Variants in DGKB observed in about 807,000 individuals in gnomAD.
DGKB encodes the protein diacylglycerol kinase beta.
A neutral mutation model predicts 114.3 loss-of-function variants in DGKB; 67 were observed. The ratio of observed to expected loss-of-function variants is 0.59; its 90% CI spans 0.48 to 0.72. The LOEUF (loss-of-function observed/expected upper bound fraction) is 0.72, where lower values mean the gene tolerates loss of function less well. Among genes scored for constraint, DGKB ranks in the 30% least tolerant of loss-of-function variants. DGKB has a pLI of 0.00. For missense variants in DGKB, 907 were observed against 975.2 expected (o/e 0.93, Z 0.93); for synonymous variants, 398 against 323.1 (o/e 1.23, Z -2.49).
intron 23 of DGKB, among the ~76,000 whole-genome samples, chr7:14,265,263 C>A (rs1204137967): frequency 6.8e-6 from 1 of 146,052 alleles, no homozygotes; most frequent in East Asian, 2.2e-4. Context: ...CTTCTCTGAT[C>A]CTACTGGTTA....
chr7:14,784,267 G>T (rs1839540970), intron 2 of DGKB, among the ~76,000 whole-genome samples: 1 of 151,512 alleles, frequency 6.6e-6, no homozygotes, highest in African/African-American at 2.4e-5. Context: ...ATACTAGAGA[G>T]AACAACATAC....
At chr7:14,280,419 G>A (rs375200616) in intron 23 of DGKB, among the ~76,000 whole-genome samples, 36 of 152,076 alleles carry the variant, frequency 2.4e-4, no homozygotes, top group East Asian at 7.8e-4. Flanking sequence ...GAATGGAACC[G>A]AGTTGGAAAA....
intron 2 of DGKB, among the ~76,000 whole-genome samples, chr7:14,781,920 C>T (rs1320742051): frequency 6.6e-6 from 1 of 152,016 alleles, no homozygotes; most frequent in Non-Finnish European, 1.5e-5. Context: ...TTCTTCTTTC[C>T]TTCCTTCCAG....
chr7:14,418,266 A>G (rs1826039811), intron 21 of DGKB, among the ~76,000 whole-genome samples: 5 of 131,308 alleles, frequency 3.8e-5, no homozygotes, highest in Admixed American at 1.6e-4. Flanking sequence ...TTATATATGT[A>G]TATATATTTT....
intron 20 of DGKB, among the ~76,000 whole-genome samples, chr7:14,523,895 T>C (rs1459922367): frequency 6.6e-6 from 1 of 152,144 alleles, no homozygotes; most frequent in East Asian, 1.9e-4. Flanking sequence ...AGTCATCTTA[T>C]TGAGGGGTTA....
intron 9 of DGKB, among the ~76,000 whole-genome samples, chr7:14,688,205 A>G (rs950613108): frequency 2.0e-5 from 3 of 152,164 alleles, no homozygotes; most frequent in African/African-American, 7.2e-5. Flanking sequence ...GCACATTCCT[A>G]TTAGTCCTTC....
Position 14,917,162 on chromosome 7 carries a change from A to C in DGKB, c.-188+57534T>G, listed in dbSNP as rs533232304. Among the ~76,000 whole-genome samples the C allele has an allele frequency of 3.9e-5, 6 of 152,180 alleles. No homozygotes were observed. The East Asian group carries it at 1.2e-3, about 29-fold the overall frequency. On this transcript the variant is annotated intron_variant, in intron 1 of 4. Transcript: ENST00000437998. The stretch of plus-strand genomic sequence containing the variant: ...CTGAGAGGGGAAGTTTGTAGCACTG[A>C]TTGATATATTATAAAAGAAGAGAGA...
chr7:14,848,741 C>A (rs1329636652), intron 1 of DGKB, among the ~76,000 whole-genome samples: 1 of 152,136 alleles, frequency 6.6e-6, no homozygotes, highest in Non-Finnish European at 1.5e-5. Context: ...GAATCAATAA[C>A]AAAAAGATGA....
intron 23 of DGKB, among the ~76,000 whole-genome samples, chr7:14,320,891 A>G (rs1187270478): frequency 6.6e-6 from 1 of 152,156 alleles, no homozygotes; most frequent in Non-Finnish European, 1.5e-5. Context: ...ACATAGATGC[A>G]AAATTTTAAA....
At chr7:14,586,520 G>A (rs76590528) in intron 17 of DGKB, among the ~76,000 whole-genome samples, 1,938 of 152,204 alleles carry the variant, frequency 0.013, 39 homozygotes, top group African/African-American at 0.042. Flanking sequence ...GATAAAGGTG[G>A]TACGCTAAAC....
intron 1 of DGKB, among the ~76,000 whole-genome samples, chr7:14,897,728 C>A (rs573909351): frequency 6.6e-6 from 1 of 151,896 alleles, no homozygotes; most frequent in Non-Finnish European, 1.5e-5. Context: ...TAAATGTGTT[C>A]TGAGTAATTT....
At chr7:14,760,265 T>C (rs143350945) in intron 2 of DGKB, among the ~76,000 whole-genome samples, 81 of 152,276 alleles carry the variant, frequency 5.3e-4, no homozygotes, top group African/African-American at 1.7e-3. Flanking sequence ...CCTTGCTAGA[T>C]TGGAGGTTGT....
intron 22 of DGKB, among the ~76,000 whole-genome samples, chr7:14,339,098 G>A (rs113173074): frequency 2.6e-5 from 4 of 151,716 alleles, no homozygotes; most frequent in African/African-American, 9.7e-5. Flanking sequence ...GATTGCCCCT[G>A]TTTAGAACAC....
chr7:14,297,426 T>C (rs894888036), intron 23 of DGKB, among the ~76,000 whole-genome samples: 1 of 151,956 alleles, frequency 6.6e-6, no homozygotes, highest in African/African-American at 2.4e-5. Flanking sequence ...ACGTAAACCA[T>C]CACATAAACA....
intron 25 of DGKB, among the ~76,000 whole-genome samples, chr7:14,172,830 A>ATAGG (rs1230235343): frequency 6.6e-6 from 1 of 152,104 alleles, no homozygotes; most frequent in African/African-American, 2.4e-5. Context: ...GTCCTCTCCT[A>ATAGG]TCCTACCACT....
intron 21 of DGKB, among the ~76,000 whole-genome samples, chr7:14,435,874 T>C (rs1051477784): frequency 2.1e-4 from 32 of 152,144 alleles, no homozygotes; most frequent in African/African-American, 7.5e-4. Context: ...AACAACTGTC[T>C]ATAACTTGAA....
intron 1 of DGKB, among the ~76,000 whole-genome samples, chr7:14,924,585 A>G (rs750900995): frequency 1.3e-5 from 2 of 152,182 alleles, no homozygotes; most frequent in Non-Finnish European, 2.9e-5. Flanking sequence ...GGTCAGATCT[A>G]TCTTAATAGT....
chr7:14,643,922 C>G (rs964380021), intron 13 of DGKB, among the ~76,000 whole-genome samples: 4 of 152,260 alleles, frequency 2.6e-5, no homozygotes, highest in African/African-American at 7.2e-5. Flanking sequence ...CGCACCTTTG[C>G]ACACCATTTA....
At chr7:14,303,429 A>G (rs1481582510) in intron 23 of DGKB, among the ~76,000 whole-genome samples, 2 of 151,966 alleles carry the variant, frequency 1.3e-5, no homozygotes, top group African/African-American at 4.8e-5. Context: ...AAATTAATAA[A>G]CTATGTTTTT....
Sources: allele counts gnomAD v4.1 joint callset (sites outside exome capture counted in the v4.1 genomes callset), GRCh38; gene constraint gnomAD v4.1.1; transcripts MANE v1.5; gene names NCBI Gene and HGNC (gene_info 2026-07-23, HGNC 2026-07-21).